The following GALNT13 variants were observed in gnomAD, a reference collection of about 807,000 sequenced individuals.
GALNT13 encodes the protein UDP-GalNAc:polypeptide N-acetylgalactosaminyltransferase 13.
A neutral mutation model predicts 64.2 loss-of-function variants in GALNT13; 28 were observed. The ratio of observed to expected loss-of-function variants is 0.44; its 90% confidence interval spans 0.32 to 0.60. The LOEUF (loss-of-function observed/expected upper bound fraction) is 0.60, where lower values mean the gene tolerates loss of function less well. Ranked by LOEUF, GALNT13 falls within the 20% of genes least tolerant of loss-of-function variation. The pLI is 0.05. For missense variants in GALNT13, 577 were observed against 669.8 expected, an observed-to-expected ratio of 0.86 and a Z score of 1.53; for synonymous variants, 214 against 224.6, an observed-to-expected ratio of 0.95 and a Z score of 0.42.
intron 12 of GALNT13, among the ~76,000 whole-genome samples, chr2:154,448,102 C>G (rs1035348357): frequency 4.6e-5 from 7 of 152,022 alleles, no homozygotes; most frequent in African/African-American, 1.7e-4. Context: ...CTTATCCTCA[C>G]AGAAGATGAT....
intron 8 of GALNT13, among the ~76,000 whole-genome samples, chr2:154,283,233 G>A (rs902942863): frequency 6.6e-6 from 1 of 151,908 alleles, no homozygotes; most frequent in African/African-American, 2.4e-5. Context: ...TATTATTTTT[G>A]AAGCAAACAG....
intron 1 of GALNT13, among the ~76,000 whole-genome samples, chr2:153,898,081 T>G (rs1375173230): frequency 6.6e-6 from 1 of 152,118 alleles, no homozygotes; most frequent in Non-Finnish European, 1.5e-5. Context: ...TCTGGTATCC[T>G]TTACCTTTTT....
intron 4 of GALNT13, among the ~76,000 whole-genome samples, chr2:154,214,572 G>GT (rs1486086742): frequency 2.0e-5 from 3 of 152,020 alleles, no homozygotes; most frequent in Admixed American, 6.6e-5. Flanking sequence ...CATGGAGGTG[G>GT]TTTTTCCCCT....
chr2:154,061,410 T>C (rs1459702732), intron 3 of GALNT13, among the ~76,000 whole-genome samples: 1 of 152,184 alleles, frequency 6.6e-6, no homozygotes, highest in African/African-American at 2.4e-5. Context: ...TCACACAGGA[T>C]TTTGGGTCAG....
chr2:154,184,135 A>T (rs1201675743), intron 4 of GALNT13, among the ~76,000 whole-genome samples: 3 of 151,900 alleles, frequency 2.0e-5, no homozygotes, highest in South Asian at 4.1e-4. Context: ...AAAATATATT[A>T]TACGAATTTA....
At chr2:153,620,601 C>T in the GALNT13 span, among the ~76,000 whole-genome samples, 1 of 151,934 alleles carries the variant, frequency 6.6e-6, no homozygotes, top group Non-Finnish European at 1.5e-5. Context: ...TCCAGAATTT[C>T]TGCTTGATTC....
the GALNT13 span, among the ~76,000 whole-genome samples, chr2:153,687,054 C>T: frequency 6.6e-6 from 1 of 151,852 alleles, no homozygotes; most frequent in Non-Finnish European, 1.5e-5. Flanking sequence ...GTATTTTGCA[C>T]AGGATTTTTT....
chr2:153,698,381 A>G, the GALNT13 span, among the ~76,000 whole-genome samples: 2 of 152,206 alleles, frequency 1.3e-5, no homozygotes, highest in Non-Finnish European at 2.9e-5. Context: ...ATAGGCTCAA[A>G]ATAAATGGAT....
At chr2:153,594,368 G>A in the GALNT13 span, among the ~76,000 whole-genome samples, 1 of 152,054 alleles carries the variant, frequency 6.6e-6, no homozygotes, top group South Asian at 2.1e-4. Context: ...TTTGCCTTGG[G>A]TGACTGTACT....
At chr2:153,161,009 A>T in the GALNT13 span, among the ~76,000 whole-genome samples, 3 of 152,306 alleles carry the variant, frequency 2.0e-5, no homozygotes, top group East Asian at 3.9e-4. Flanking sequence ...TAGCAGATAG[A>T]TTTAAAATAT....
the GALNT13 span, among the ~76,000 whole-genome samples, chr2:153,503,585 T>A: frequency 6.6e-6 from 1 of 152,028 alleles, no homozygotes; most frequent in African/African-American, 2.4e-5. Flanking sequence ...GGATTACAGG[T>A]GTGCACCACC....
At chr2:153,168,003 A>G in the GALNT13 span, among the ~76,000 whole-genome samples, 6 of 152,194 alleles carry the variant, frequency 3.9e-5, no homozygotes, top group Non-Finnish European at 7.3e-5. Context: ...CCACCATGCT[A>G]TGACTCCTCA....
At chr2:154,391,042 C>T (rs1395222904) in intron 9 of GALNT13, among the ~76,000 whole-genome samples, 1 of 152,208 alleles carries the variant, frequency 6.6e-6, no homozygotes, top group Non-Finnish European at 1.5e-5. Flanking sequence ...CCTCTGCTGT[C>T]TATCTTTAGA....
At chr2:154,070,305 A>T (rs1205621108) in intron 3 of GALNT13, among the ~76,000 whole-genome samples, 9 of 152,264 alleles carry the variant, frequency 5.9e-5, no homozygotes, top group African/African-American at 1.9e-4. Context: ...CATTATGTAA[A>T]GTGATTTCTA....
the GALNT13 span, among the ~76,000 whole-genome samples, chr2:153,754,120 G>C: frequency 3.9e-5 from 6 of 151,952 alleles, no homozygotes; most frequent in Non-Finnish European, 7.4e-5. Context: ...CTCTGGCCCA[G>C]TGCAGATTCA....
the GALNT13 span, among the ~76,000 whole-genome samples, chr2:153,446,137 A>G: frequency 6.6e-6 from 1 of 152,178 alleles, no homozygotes; most frequent in Non-Finnish European, 1.5e-5. Flanking sequence ...GTTACTTGGG[A>G]CTATTGAGAG....
the GALNT13 span, among the ~76,000 whole-genome samples, chr2:153,452,703 A>G: frequency 2.3e-4 from 35 of 152,124 alleles, no homozygotes; most frequent in African/African-American, 7.5e-4. Flanking sequence ...TACTGCCCCA[A>G]GAAATCTACA....
Position 154,438,712 on chromosome 2 carries a change from G to T in GALNT13, c.1516G>T (p.Glu506Ter). The T allele has an allele frequency of 6.2e-7, 1 of 1,608,960 alleles. No individual in the cohort carries two copies. Among genetic ancestry groups the T allele is most frequent in the Non-Finnish European group, 8.5e-7 (1 of 1,176,094 alleles). The change falls in exon 12 of 13, where the codon GAA (glutamate) becomes TAA (stop). Residue 506 changes from glutamate (E) to a stop codon, truncating the protein, a stop_gained. Transcript: ENST00000392825. LOFTEE classifies it high-confidence loss of function. ...CHHMRGNQLW[E>*]YDAERLTLRH... is the part of the protein sequence containing the mutation. ...CCATATGAGAGGAAATCAGTTATGG[G>T]AATATGATGCTGAGGTATAGTATTT...
chr2:153,495,755 A>G, the GALNT13 span, among the ~76,000 whole-genome samples: 3 of 152,204 alleles, frequency 2.0e-5, no homozygotes, highest in Non-Finnish European at 4.4e-5. Flanking sequence ...AACAGTGGGG[A>G]GGGAATCATG....
Sources: gnomAD v4.1 joint callset for allele counts (sites outside exome capture counted in the v4.1 genomes callset) on GRCh38, gnomAD v4.1.1 for gene constraint, MANE v1.5 for transcripts, NCBI Gene and HGNC (gene_info 2026-07-23, HGNC 2026-07-21) for gene names.